NLRP11: variants seen among roughly 807,000 people sequenced by gnomAD.
NLRP11 encodes the protein NLR family pyrin domain containing 11.
NLRP11 carries 53 observed loss-of-function variants against 79.3 expected under a neutral mutation model. That is an observed-to-expected ratio of 0.67 (90% CI 0.54 to 0.84). NLRP11 has a LOEUF of 0.84. Among genes scored for constraint, NLRP11 ranks in the 40% least tolerant of loss-of-function variants. The pLI, the probability that NLRP11 is intolerant of heterozygous loss-of-function variation, is 0.00. For missense variants in NLRP11, 1,264 were observed against 1,255.0 expected, an observed-to-expected ratio of 1.01 and a Z score of -0.11; for synonymous variants, 518 against 462.6, an observed-to-expected ratio of 1.12 and a Z score of -1.54.
chr19:55,831,497 G>A (rs1383210547), intron 1 of NLRP11, among the ~76,000 whole-genome samples: 1 of 152,116 alleles, frequency 6.6e-6, no homozygotes, highest in East Asian at 1.9e-4. Context: ...AGGAGACAGA[G>A]GTTGCAGTGC....
chr19:55,821,203 TCTCACACACACACA>T (rs1463833472), intron 1 of NLRP11, among the ~76,000 whole-genome samples: 9 of 113,268 alleles, frequency 7.9e-5, no homozygotes, highest in South Asian at 5.4e-4. Context: ...TCTCTCTCTC[TCTCACACACACACA>T]CACACACACA....
chr19:55,797,299 A>T (rs960025821), intron 5 of NLRP11, among the ~76,000 whole-genome samples: 4 of 128,194 alleles, frequency 3.1e-5, no homozygotes, highest in Non-Finnish European at 6.3e-5. Flanking sequence ...ACGCATCTCT[A>T]AAAAAAAATA....
At chr19:55,816,919 T>A (rs7256677) in intron 2 of NLRP11, among the ~76,000 whole-genome samples, 91 of 152,130 alleles carry the variant, frequency 6.0e-4, no homozygotes, top group African/African-American at 2.1e-3. Flanking sequence ...TGATGTCCAG[T>A]TCTGAAGACT....
rs1980307337 is a variant in NLRP11, at chr19:55,809,083, T to C, written c.1527A>G (p.Thr509=). 6.2e-7 allele frequency: 1 copy of C among 1,613,790 alleles called. No homozygotes were observed. The highest frequency in any genetic ancestry group is 1.1e-5 in the South Asian group (1 of 91,076). ...CCATCGGTAGCTGGTATCCAAAGGA[T>C]GTCTCAAGAATCTTTCTCCTGTTTG... is the stretch of plus-strand genomic sequence containing the variant. Residue 509 remains threonine, a synonymous_variant, in exon 3 of 10, where the codon ACA becomes ACG. Coordinates refer to ENST00000589093, the Ensembl canonical transcript of NLRP11. The surrounding 1 kb of genome is among the most constrained non-coding windows in gnomAD (Gnocchi z 4.5).
At position 55,809,891 on chromosome 19, in the gene NLRP11, A is replaced by T; in HGVS notation, c.719T>A (p.Val240Asp). ...GTTACTACACAAAGCACTTTCATTG[A>T]CATTTAACTCGAATCTTATGTTGTC... The change falls in exon 3 of 10, where the codon GTC becomes GAC. Residue 240 changes from valine to aspartate, a missense_variant. Val to Asp is a radical substitution (Grantham distance 152). Transcript: ENST00000589093. This position sits in a 1 kb window ranked among gnomAD's most constrained non-coding sequence, Gnocchi z 4.5. 1 of 1,614,172 alleles carries T rather than the reference A, an allele frequency of 6.2e-7. No homozygotes were observed. Among genetic ancestry groups the T allele is most frequent in the Non-Finnish European group, 8.5e-7 (1 of 1,179,998 alleles).
chr19:55,800,163 A>G (rs1979337954), intron 5 of NLRP11, among the ~76,000 whole-genome samples: 1 of 152,198 alleles, frequency 6.6e-6, no homozygotes, highest in Non-Finnish European at 1.5e-5. Flanking sequence ...AGCGAAATGT[A>G]CTTATTGGAG....
intron 2 of NLRP11, among the ~76,000 whole-genome samples, chr19:55,811,970 TAC>T (rs3973377): frequency 0.31 from 45,699 of 148,946 alleles, 7,042 homozygotes; most frequent in Middle Eastern, 0.34. Flanking sequence ...TTCACACATG[TAC>T]ACACACACAC....
chr19:55,830,292 A>G (rs1344226507), intron 1 of NLRP11, among the ~76,000 whole-genome samples: 1 of 152,134 alleles, frequency 6.6e-6, no homozygotes, highest in Non-Finnish European at 1.5e-5. Context: ...ATTGCCTTTG[A>G]GCCCCATCCT....
chr19:55,786,531 A>AC (rs1989890584), intron 9 of NLRP11, among the ~76,000 whole-genome samples: 1 of 152,094 alleles, frequency 6.6e-6, no homozygotes, highest in African/African-American at 2.4e-5. Context: ...GAAAAAAAAA[A>AC]AATTTACATA....
At chr19:55,828,094 T>C (rs901709272) in intron 1 of NLRP11, among the ~76,000 whole-genome samples, 41 of 149,800 alleles carry the variant, frequency 2.7e-4, no homozygotes, top group African/African-American at 9.9e-4. Context: ...CCATAAAAAA[T>C]GATGAGTTCA....
intron 1 of NLRP11, among the ~76,000 whole-genome samples, chr19:55,824,304 A>G (rs1399580992): frequency 6.7e-6 from 1 of 149,744 alleles, no homozygotes; most frequent in African/African-American, 2.5e-5. Flanking sequence ...AGCCGCTGCA[A>G]AATCATGCCA....
exon 2 of NLRP11, chr19:55,818,113 T>C (rs2122870929): frequency 6.2e-7 from 1 of 1,614,004 alleles, no homozygotes; most frequent in East Asian, 2.2e-5. Context: ...CTGAAATTCC[T>C]TGTCACTGAG....
intron 4 of NLRP11, among the ~76,000 whole-genome samples, chr19:55,805,701 G>C (rs775497378): frequency 6.6e-6 from 1 of 151,882 alleles, no homozygotes; most frequent in Non-Finnish European, 1.5e-5. Context: ...CGCCACACCC[G>C]GCTAATTTTT....
intron 7 of NLRP11, among the ~76,000 whole-genome samples, chr19:55,791,196 C>T (rs919221572): frequency 6.6e-6 from 1 of 152,092 alleles, no homozygotes; most frequent in Non-Finnish European, 1.5e-5. Flanking sequence ...ACTGTCTAGC[C>T]TGTTATAGAA....
intron 2 of NLRP11, among the ~76,000 whole-genome samples, chr19:55,814,501 G>T (rs1980898863): frequency 6.6e-6 from 1 of 152,008 alleles, no homozygotes; most frequent in Admixed American, 6.6e-5. Flanking sequence ...ACCAGGACAA[G>T]CTATACATTT....
Position 55,801,542 on chromosome 19 carries a change from C to A in NLRP11, c.2171+30G>T, listed in dbSNP as rs1979477174. The stretch of plus-strand genomic sequence containing the variant: ...AACACCCAGGCATTCCCCTCACATG[C>A]ACTGAGCTTTCAGCCGAGCAACAAC... On this transcript the variant is annotated intron_variant, in intron 5 of 9. Transcript: ENST00000589093. 3 of 1,602,502 alleles carry A rather than the reference C, an allele frequency of 1.9e-6. No individual in the cohort carries two copies. The East Asian group carries it at 6.7e-5, about 36-fold the overall frequency.
At chr19:55,797,833 A>G (rs16986603) in intron 5 of NLRP11, among the ~76,000 whole-genome samples, 14,640 of 152,108 alleles carry the variant, frequency 0.096, 956 homozygotes, top group East Asian at 0.22. Flanking sequence ...GGACAAGGGA[A>G]TTTCTGTCAG....
chr19:55,817,922 T>C (rs1981304616), exon 2 of NLRP11: 1 of 1,608,348 alleles, frequency 6.2e-7, no homozygotes, highest in African/African-American at 1.3e-5. Context: ...CTGCCAATGA[T>C]CTTCCTACAA....
At position 55,808,070 on chromosome 19, in the gene NLRP11, G is replaced by T. The variant is rs1980179465; in HGVS notation, c.1842-56C>A. 1.9e-5 allele frequency: 22 copies of T among 1,157,534 alleles called. No homozygotes were observed. The South Asian group carries it at 3.1e-4, about 17-fold the overall frequency. 71.7% of individuals were successfully genotyped at this position (1,157,534 alleles called of 1,614,324 possible). On this transcript the variant is annotated intron_variant, in intron 3 of 9. Coordinates refer to ENST00000589093, the Ensembl canonical transcript of NLRP11. ...GGAATCGATTCAACTCCAGCAATTT[G>T]TAAAACATGTAAATTAAAGTATGTT...
Sources: gnomAD v4.1 joint callset for allele counts (sites outside exome capture counted in the v4.1 genomes callset) on GRCh38, gnomAD v4.1.1 for gene constraint, Gnocchi (gnomAD v3.1) non-coding constraint, MANE v1.5 for transcripts, NCBI Gene and HGNC (gene_info 2026-07-23, HGNC 2026-07-21) for gene names.